Variants in ELAVL1 observed in about 807,000 individuals in gnomAD.
The protein encoded by ELAVL1 is ELAV like RNA binding protein 1, also known as ELAV-like protein 1.
A neutral mutation model predicts 28.4 loss-of-function variants in ELAVL1; 1 was observed. That is an observed-to-expected ratio of 0.04 (90% CI 0.01 to 0.17). The LOEUF is 0.17. ELAVL1 is among the 10% of genes least tolerant of loss of function. ELAVL1 has a pLI of 1.00. For missense variants in ELAVL1, 157 were observed against 447.2 expected (o/e 0.35, Z 5.85); for synonymous variants, 174 against 183.5 (o/e 0.95, Z 0.42).
chr19:8,002,021 T>A, intron 1 of ELAVL1: 1 of 1,287,632 alleles, frequency 7.8e-7, no homozygotes, highest in Non-Finnish European at 1.0e-6. Flanking sequence ...AGCAGTGAAC[T>A]AAAACTGCTC....
intron 2 of ELAVL1, among the ~76,000 whole-genome samples, chr19:7,986,560 G>A (rs529280370): frequency 7.9e-4 from 121 of 152,298 alleles, no homozygotes; most frequent in South Asian, 1.2e-3. Context: ...TGAACTAAGC[G>A]TCCCCTAGAG....
At chr19:7,986,938 T>TTTTG (rs372538990) in intron 2 of ELAVL1, among the ~76,000 whole-genome samples, 21 of 152,132 alleles carry the variant, frequency 1.4e-4, no homozygotes, top group African/African-American at 4.8e-4. Context: ...GTGGGTGATT[T>TTTTG]TTTGTTTGTT....
chr19:7,980,983 G>A (rs1348915939), intron 3 of ELAVL1, 100 bp downstream of exon 3: 1 of 1,209,560 alleles, frequency 8.3e-7, no homozygotes, highest in African/African-American at 1.5e-5. Flanking sequence ...GAGCGGCTGT[G>A]CTCATAGTCC....
chr19:7,987,656 TGATC>T (rs1013128339), intron 2 of ELAVL1, among the ~76,000 whole-genome samples: 1 of 152,258 alleles, frequency 6.6e-6, no homozygotes, highest in African/African-American at 2.4e-5. Context: ...TGCTGAATGA[TGATC>T]TGCACTCTCC....
Position 7,981,317 on chromosome 19 carries a change from T to C in ELAVL1, c.173-131A>G, listed in dbSNP as rs1985457386. 1 of 763,916 alleles carries C rather than the reference T, an allele frequency of 1.3e-6. No individual in the cohort carries two copies. The highest frequency in any genetic ancestry group is 2.2e-6 in the Non-Finnish European group (1 of 453,966). The allele number at this position is 763,916 out of a possible 1,614,324, so 47.3% of individuals were successfully genotyped here. A position where few individuals can be genotyped will look rare whatever the true frequency, so the allele number is the denominator to read the frequency against. On this transcript the variant is annotated intron_variant, in intron 2 of 5. Transcript: ENST00000407627. The surrounding 1 kb of genome is among the most constrained non-coding windows in gnomAD (Gnocchi z 4.2). ...AGGTGCTAGCAAACTTTATTTTCTT[T>C]GGCAAACACGTACATTTTCTGCAAT...
intron 1 of ELAVL1, among the ~76,000 whole-genome samples, chr19:8,003,705 A>AG (rs964206466): frequency 6.6e-6 from 1 of 151,882 alleles, no homozygotes; most frequent in African/African-American, 2.4e-5. Context: ...AAAAAAAAAA[A>AG]AAAAGAAATA....
intron 1 of ELAVL1, among the ~76,000 whole-genome samples, chr19:7,995,973 C>A (rs1985864324): frequency 6.6e-6 from 1 of 151,824 alleles, no homozygotes; most frequent in African/African-American, 2.4e-5. Context: ...AGTGCAATGC[C>A]ATAATCATAG....
rs955780084 is a variant in ELAVL1, at chr19:7,979,169, G to A, written c.276+1914C>T. On this transcript the variant is annotated intron_variant, in intron 3 of 5. Transcript: ENST00000407627. The surrounding 1 kb of genome is among the most constrained non-coding windows in gnomAD (Gnocchi z 5.4). ...GGGAGAAATTACTTAGGGCTGTCAC[G>A]TCCCCATGAGGCTGGCCTGTTTCTG... is the stretch of plus-strand genomic sequence containing the variant. 1.3e-5 allele frequency among the ~76,000 whole-genome samples: 2 copies of A among 152,222 alleles called. No individual in the cohort carries two copies. Among genetic ancestry groups the A allele is most frequent in the African/African-American group, 2.4e-5 (1 of 41,462 alleles).
chr19:7,986,618 C>T (rs563473922), intron 2 of ELAVL1, among the ~76,000 whole-genome samples: 1 of 152,338 alleles, frequency 6.6e-6, no homozygotes, highest in African/African-American at 2.4e-5. Flanking sequence ...TGCGCTCTCC[C>T]ATCTGCCGCT....
At chr19:7,991,562 CCA>C in intron 2 of ELAVL1, 80 bp downstream of exon 2, 2 of 1,422,856 alleles carry the variant, frequency 1.4e-6, no homozygotes, top group South Asian at 1.3e-5. Context: ...CTGAGGAATG[CCA>C]CAGAGTCACA....
At chr19:7,991,988 T>A (rs1599677832) in intron 1 of ELAVL1, among the ~76,000 whole-genome samples, 157 bp from the exon 2 acceptor site, 2 of 151,028 alleles carry the variant, frequency 1.3e-5, no homozygotes, top group East Asian at 3.9e-4. Context: ...TCACCCAGGC[T>A]GGAGTGCAGT....
intron 2 of ELAVL1, among the ~76,000 whole-genome samples, chr19:7,987,100 C>A (rs1190474044): frequency 1.1e-5 from 1 of 93,992 alleles, no homozygotes; most frequent in African/African-American, 4.7e-5. Flanking sequence ...AAGAGTAGAG[C>A]CTGACCGGGG....
At chr19:8,000,069 G>A (rs1310481042) in intron 1 of ELAVL1, among the ~76,000 whole-genome samples, 1 of 152,150 alleles carries the variant, frequency 6.6e-6, no homozygotes. Context: ...GAGCCACCAC[G>A]CTTGGCCGCT....
chr19:7,970,565 G>C (rs1213698612), intron 4 of ELAVL1, among the ~76,000 whole-genome samples: 1 of 152,186 alleles, frequency 6.6e-6, no homozygotes, highest in African/African-American at 2.4e-5. Flanking sequence ...ACAGGCGTGA[G>C]CCACGGCCCC....
intron 3 of ELAVL1, among the ~76,000 whole-genome samples, chr19:7,976,099 A>T (rs1470730419): frequency 6.6e-6 from 1 of 151,760 alleles, no homozygotes; most frequent in African/African-American, 2.4e-5. Context: ...TCTTTAAAAA[A>T]AAAAAAAAAG....
chr19:7,978,248 C>CAT (rs1275039939), intron 3 of ELAVL1, among the ~76,000 whole-genome samples: 1 of 152,182 alleles, frequency 6.6e-6, no homozygotes, highest in African/African-American at 2.4e-5. Flanking sequence ...TCTTTGTTAC[C>CAT]ATAAGGCCTT....
chr19:7,993,002 C>T (rs1325289486), intron 1 of ELAVL1, among the ~76,000 whole-genome samples: 5 of 152,166 alleles, frequency 3.3e-5, no homozygotes, highest in Non-Finnish European at 7.3e-5. Flanking sequence ...CTCCTGGCCT[C>T]AAGTAATCCT....
intron 2 of ELAVL1, among the ~76,000 whole-genome samples, chr19:7,984,898 C>T (rs866832748): frequency 2.0e-5 from 3 of 152,184 alleles, no homozygotes; most frequent in African/African-American, 7.2e-5. Flanking sequence ...GCGACACCCC[C>T]AACCAATGAA....
intron 3 of ELAVL1, among the ~76,000 whole-genome samples, chr19:7,980,557 TG>T (rs1167693603): frequency 4.6e-5 from 7 of 152,178 alleles, no homozygotes; most frequent in Non-Finnish European, 2.9e-5. Context: ...GCCCCTGGGC[TG>T]CTGCACAGTT....
Sources: gnomAD v4.1 joint callset for allele counts (sites outside exome capture counted in the v4.1 genomes callset) on GRCh38, gnomAD v4.1.1 for gene constraint, Gnocchi (gnomAD v3.1) non-coding constraint, MANE v1.5 for transcripts, NCBI Gene and HGNC (gene_info 2026-07-23, HGNC 2026-07-21) for gene names.